The following DAB1 variants were observed in gnomAD, a reference collection of about 807,000 sequenced individuals.
The protein encoded by DAB1 is disabled homolog 1.
A neutral mutation model predicts 64.6 loss-of-function variants in DAB1; 15 were observed. The ratio of observed to expected loss-of-function variants is 0.23; its 90% CI spans 0.16 to 0.36. The LOEUF (loss-of-function observed/expected upper bound fraction) is 0.36. Among genes scored for constraint, DAB1 ranks in the 10% least tolerant of loss-of-function variants. DAB1 has a pLI of 1.00. For synonymous variants in DAB1, 235 were observed against 251.9 expected (o/e 0.93, Z 0.64); for missense variants, 596 against 706.7 (o/e 0.84, Z 1.78).
At chr1:57,373,602 C>T (rs867411905) in intron 1 of DAB1, among the ~76,000 whole-genome samples, 2 of 152,114 alleles carry the variant, frequency 1.3e-5, no homozygotes, top group Non-Finnish European at 2.9e-5. Flanking sequence ...AGTTTATCTG[C>T]CTCCCAAATT....
At chr1:57,512,858 C>T (rs1644420931) in intron 7 of DAB1, among the ~76,000 whole-genome samples, 1 of 152,128 alleles carries the variant, frequency 6.6e-6, no homozygotes, top group Admixed American at 6.5e-5. Context: ...GAGGAAGGAG[C>T]CCACAGGCTC....
chr1:57,838,975 C>A (rs1169191105), intron 1 of DAB1, among the ~76,000 whole-genome samples: 2 of 151,862 alleles, frequency 1.3e-5, no homozygotes, highest in African/African-American at 4.8e-5. Context: ...AAGATGGGGT[C>A]TCACTATGTT....
chr1:58,452,847 A>AACAAAAC (rs1488218609), intron 3 of DAB1, among the ~76,000 whole-genome samples: 1 of 151,342 alleles, frequency 6.6e-6, no homozygotes, highest in Non-Finnish European at 1.5e-5. Flanking sequence ...AAAAACAAAA[A>AACAAAAC]ACAAAACAAA....
chr1:58,289,957 C>G (rs1415014746), intron 4 of DAB1, among the ~76,000 whole-genome samples: 3 of 152,144 alleles, frequency 2.0e-5, no homozygotes, highest in Non-Finnish European at 4.4e-5. Flanking sequence ...TTCCAACAAG[C>G]TGGAGACAGT....
At chr1:57,841,724 C>T (rs1375760599) in intron 1 of DAB1, among the ~76,000 whole-genome samples, 2 of 152,176 alleles carry the variant, frequency 1.3e-5, no homozygotes, top group Non-Finnish European at 2.9e-5. Context: ...AGCAGCGGAG[C>T]CCTGGGCCTG....
intron 3 of DAB1, among the ~76,000 whole-genome samples, chr1:58,367,092 T>A (rs1644224256): frequency 6.6e-6 from 1 of 152,198 alleles, no homozygotes; most frequent in African/African-American, 2.4e-5. Context: ...TATGGTACTA[T>A]CTGTTGGAAA....
At chr1:58,092,949 A>G (rs1222027178) in intron 5 of DAB1, among the ~76,000 whole-genome samples, 1 of 152,216 alleles carries the variant, frequency 6.6e-6, no homozygotes, top group Non-Finnish European at 1.5e-5. Context: ...ACGTTTGCAT[A>G]ATACAAATAC....
chr1:57,563,998 G>T (rs1251878398), intron 7 of DAB1, among the ~76,000 whole-genome samples: 1 of 152,150 alleles, frequency 6.6e-6, no homozygotes, highest in Non-Finnish European at 1.5e-5. Context: ...TCCTCAAGTG[G>T]GTCCCTGACC....
At chr1:57,910,176 G>A (rs114969054) in intron 5 of DAB1, among the ~76,000 whole-genome samples, 36 of 152,312 alleles carry the variant, frequency 2.4e-4, no homozygotes, top group African/African-American at 8.4e-4. Context: ...TTCATCACTT[G>A]TCTGTTTCCT....
chr1:57,694,971 A>G (rs1465793377), intron 6 of DAB1, among the ~76,000 whole-genome samples: 1 of 152,124 alleles, frequency 6.6e-6, no homozygotes, highest in African/African-American at 2.4e-5. Context: ...ATTCCAACAA[A>G]TACCCAGTTA....
intron 4 of DAB1, among the ~76,000 whole-genome samples, chr1:58,186,637 T>C (rs1049153538): frequency 6.6e-6 from 1 of 152,212 alleles, no homozygotes; most frequent in South Asian, 2.1e-4. Flanking sequence ...TTTTCTGCAA[T>C]AATGCTGAAT....
chr1:58,178,967 G>T (rs1314158854), intron 4 of DAB1, among the ~76,000 whole-genome samples: 1 of 152,022 alleles, frequency 6.6e-6, no homozygotes, highest in Non-Finnish European at 1.5e-5. Context: ...TAGAAGGTTA[G>T]GTTTCCTTAG....
chr1:57,330,455 A>G (rs1036821169), intron 1 of DAB1, among the ~76,000 whole-genome samples: 2 of 152,130 alleles, frequency 1.3e-5, no homozygotes, highest in East Asian at 1.9e-4. Context: ...TAGCTGGGTA[A>G]CCTTGGATAA....
chr1:57,677,999 T>G (rs895188494), intron 6 of DAB1, among the ~76,000 whole-genome samples: 1 of 152,162 alleles, frequency 6.6e-6, no homozygotes, highest in African/African-American at 2.4e-5. Context: ...AACATTGATG[T>G]CTGGGTACTG....
chr1:58,378,819 A>G, intron 3 of DAB1, among the ~76,000 whole-genome samples: 2 of 107,616 alleles, frequency 1.9e-5, no homozygotes, highest in African/African-American at 4.6e-5. Flanking sequence ...CTGCTGTGCT[A>G]GCAATCAGCG....
chr1:57,033,255 C>T (rs141549283), intron 9 of DAB1: 1 of 937,796 alleles, frequency 1.1e-6, no homozygotes, highest in African/African-American at 1.6e-5. Context: ...TTCCTGGGGA[C>T]ATTTGAATAG....
chr1:57,607,292 C>A (rs1368556445), intron 7 of DAB1, among the ~76,000 whole-genome samples: 1 of 152,110 alleles, frequency 6.6e-6, no homozygotes. Flanking sequence ...CTAATGTGAA[C>A]GTTTCTCCAA....
intron 9 of DAB1, among the ~76,000 whole-genome samples, chr1:57,031,771 G>T (rs1431972589): frequency 1.3e-5 from 2 of 152,198 alleles, no homozygotes; most frequent in Non-Finnish European, 2.9e-5. Flanking sequence ...TCCATTTGAG[G>T]TCATTTGGAA....
chr1:58,037,256 A>G (rs1367800732), intron 5 of DAB1, among the ~76,000 whole-genome samples: 1 of 152,154 alleles, frequency 6.6e-6, no homozygotes, highest in Non-Finnish European at 1.5e-5. Context: ...GGCAGACCTT[A>G]ACCAATGCAT....
Sources: allele counts gnomAD v4.1 joint callset (sites outside exome capture counted in the v4.1 genomes callset), GRCh38; gene constraint gnomAD v4.1.1; transcripts MANE v1.5; gene names NCBI Gene and HGNC (gene_info 2026-07-23, HGNC 2026-07-21).